The following OSBPL6 variants were observed in gnomAD, a reference collection of about 807,000 sequenced individuals.
OSBPL6 encodes oxysterol-binding protein-related protein 6.
Under a neutral mutation model 125.8 loss-of-function variants are expected in OSBPL6, and 49 were observed. The ratio of observed to expected loss-of-function variants is 0.39; its 90% CI spans 0.31 to 0.49. OSBPL6 has a LOEUF of 0.49. Ranked by LOEUF, OSBPL6 falls within the 20% of genes least tolerant of loss-of-function variation. The pLI is 0.88. For synonymous variants in OSBPL6, 394 were observed against 391.8 expected (o/e 1.01, Z -0.07); for missense variants, 986 against 1,135.4 (o/e 0.87, Z 1.89).
chr2:178,354,054 C>T (rs918220146), intron 12 of OSBPL6, among the ~76,000 whole-genome samples: 3 of 152,128 alleles, frequency 2.0e-5, no homozygotes, highest in African/African-American at 7.2e-5. Flanking sequence ...TTTGTCAACA[C>T]CAGGCCTGCC....
chr2:178,278,209 C>T (rs895835436), intron 1 of OSBPL6, among the ~76,000 whole-genome samples: 1 of 152,184 alleles, frequency 6.6e-6, no homozygotes, highest in Non-Finnish European at 1.5e-5. Context: ...GATTCCCACC[C>T]AGCCCACAAA....
At chr2:178,347,086 C>A (rs7576065) in intron 11 of OSBPL6, among the ~76,000 whole-genome samples, 1 of 151,896 alleles carries the variant, frequency 6.6e-6, no homozygotes, top group African/African-American at 2.4e-5. Context: ...TTCTTCTCAG[C>A]ATCTGACTCC....
intron 1 of OSBPL6, among the ~76,000 whole-genome samples, chr2:178,202,220 T>A (rs2089294303): frequency 6.6e-6 from 1 of 152,226 alleles, no homozygotes; most frequent in Non-Finnish European, 1.5e-5. Flanking sequence ...TTACCATTTA[T>A]GGTGCCTTTC....
intron 1 of OSBPL6, among the ~76,000 whole-genome samples, chr2:178,226,262 G>C (rs972188248): frequency 1.3e-5 from 2 of 152,104 alleles, no homozygotes; most frequent in Admixed American, 6.5e-5. Context: ...GGAAGCCAGC[G>C]AGCAAGGGAT....
intron 15 of OSBPL6, among the ~76,000 whole-genome samples, chr2:178,378,619 G>T (rs1162278939): frequency 2.0e-5 from 3 of 152,204 alleles, no homozygotes; most frequent in Non-Finnish European, 4.4e-5. Context: ...CCCTAAGTTT[G>T]TAAAGAGAAA....
intron 1 of OSBPL6, among the ~76,000 whole-genome samples, chr2:178,224,279 T>C (rs2090461377): frequency 6.6e-6 from 1 of 152,112 alleles, no homozygotes; most frequent in Non-Finnish European, 1.5e-5. Flanking sequence ...GCAAATGATT[T>C]GTGAATAAGA....
intron 15 of OSBPL6, among the ~76,000 whole-genome samples, chr2:178,378,894 G>A (rs1694140626): frequency 6.6e-6 from 1 of 152,172 alleles, no homozygotes; most frequent in Non-Finnish European, 1.5e-5. Context: ...GGCCAGGCAT[G>A]GTGGCTCATG....
rs1311273601 is a variant in OSBPL6, at chr2:178,399,895, A to T, written c.*4336A>T. 1 of 152,244 alleles carries T rather than the reference A, an allele frequency of 6.6e-6. No individual in the cohort carries two copies. Among genetic ancestry groups the T allele is most frequent in the Non-Finnish European group, 1.5e-5 (1 of 68,038 alleles). The allele number at this position is 152,244 out of a possible 1,614,324, so 9.4% of individuals were successfully genotyped here. A position where few individuals can be genotyped will look rare whatever the true frequency, so the allele number is the denominator to read the frequency against. ...TTACATATTACCATATGACCCCATA[A>T]ATACATTTTATTAGTTACTTTGGTA... On this transcript the variant is annotated 3_prime_UTR_variant, in exon 25 of 25. Transcript: ENST00000190611.
At chr2:178,281,010 C>CT (rs55986941) in intron 1 of OSBPL6, among the ~76,000 whole-genome samples, 28,309 of 131,242 alleles carry the variant, frequency 0.22, 3,247 homozygotes, top group African/African-American at 0.29. Context: ...TTGCTTTTGA[C>CT]TTTTTTTTTT....
chr2:178,278,715 T>C (rs1165805433), intron 1 of OSBPL6, among the ~76,000 whole-genome samples: 1 of 152,214 alleles, frequency 6.6e-6, no homozygotes, highest in Non-Finnish European at 1.5e-5. Flanking sequence ...TTAAACTATA[T>C]TCTCCAGAGA....
chr2:178,196,288 AGTTCATATATTTT>A (rs2088882931), intron 1 of OSBPL6, among the ~76,000 whole-genome samples: 1 of 152,150 alleles, frequency 6.6e-6, no homozygotes, highest in South Asian at 2.1e-4. Context: ...TTGCAGTAGG[AGTTCATATATTTT>A]TTCCCTAAAA....
chr2:178,281,214 C>T (rs1175334785), intron 1 of OSBPL6, among the ~76,000 whole-genome samples: 6 of 151,880 alleles, frequency 4.0e-5, no homozygotes, highest in South Asian at 2.1e-4. Context: ...GGTTTTCCCA[C>T]GTTGGCCAGT....
At chr2:178,307,453 C>T (rs1288428557) in intron 3 of OSBPL6, among the ~76,000 whole-genome samples, 1 of 152,122 alleles carries the variant, frequency 6.6e-6, no homozygotes, top group African/African-American at 2.4e-5. Flanking sequence ...ACTTTTGATA[C>T]TGGTGTCTTT....
intron 1 of OSBPL6, among the ~76,000 whole-genome samples, chr2:178,240,845 A>T (rs536081807): frequency 1.8e-4 from 27 of 152,336 alleles, no homozygotes; most frequent in Admixed American, 8.5e-4. Flanking sequence ...TTATTTCTAT[A>T]CCACTATCAT....
At chr2:178,261,352 C>G (rs1489710185) in intron 1 of OSBPL6, among the ~76,000 whole-genome samples, 1 of 149,504 alleles carries the variant, frequency 6.7e-6, no homozygotes, top group Non-Finnish European at 1.5e-5. Flanking sequence ...ACCCTGTATA[C>G]CTAAGAATTA....
intron 1 of OSBPL6, among the ~76,000 whole-genome samples, chr2:178,241,238 C>T (rs114496102): frequency 0.019 from 2,943 of 151,666 alleles, 51 homozygotes; most frequent in Non-Finnish European, 0.03. Context: ...CCCAGCTTCC[C>T]GAGTAGCTGG....
At chr2:178,233,753 T>C (rs904475156) in intron 1 of OSBPL6, among the ~76,000 whole-genome samples, 1 of 152,180 alleles carries the variant, frequency 6.6e-6, no homozygotes, top group African/African-American at 2.4e-5. Context: ...TCTCACTATT[T>C]TTTGAGTCTT....
chr2:178,340,904 T>TA (rs1690135270), intron 11 of OSBPL6, among the ~76,000 whole-genome samples: 1 of 152,212 alleles, frequency 6.6e-6, no homozygotes, highest in African/African-American at 2.4e-5. Flanking sequence ...GGTTTTTTTT[T>TA]ATTAGAATGT....
At chr2:178,214,228 G>C (rs2089989826) in intron 1 of OSBPL6, among the ~76,000 whole-genome samples, 1 of 152,060 alleles carries the variant, frequency 6.6e-6, no homozygotes, top group Non-Finnish European at 1.5e-5. Context: ...TTGAATATGG[G>C]GTATCTGATG....
Sources: allele counts gnomAD v4.1 joint callset (sites outside exome capture counted in the v4.1 genomes callset), GRCh38; gene constraint gnomAD v4.1.1; transcripts MANE v1.5; gene names NCBI Gene and HGNC (gene_info 2026-07-23, HGNC 2026-07-21).